SHROOM4: variants seen among roughly 807,000 people sequenced by gnomAD.
SHROOM4 encodes the protein shroom family member 4, also known as protein Shroom4.
Under a neutral mutation model 80.3 loss-of-function variants are expected in SHROOM4, and 17 were observed. That is an observed-to-expected ratio of 0.21 (90% CI 0.14 to 0.32). The LOEUF is 0.32. Among genes scored for constraint, SHROOM4 ranks in the 10% least tolerant of loss-of-function variants. The pLI, the probability that SHROOM4 is intolerant of heterozygous loss-of-function variation, is 1.00. For synonymous variants in SHROOM4, 400 were observed against 437.5 expected, an observed-to-expected ratio of 0.91 and a Z score of 1.07; for missense variants, 993 against 1,140.3, an observed-to-expected ratio of 0.87 and a Z score of 1.86.
chrX:50,702,596 G>A (rs148130702), intron 1 of SHROOM4, among the ~76,000 whole-genome samples: 1,510 of 111,840 alleles, frequency 0.014, 14 homozygotes, highest in Middle Eastern at 0.023. Flanking sequence ...GTAAAGAAGA[G>A]AGGTGATAAT....
chrX:50,760,262 T>C (rs1215540586), intron 1 of SHROOM4, among the ~76,000 whole-genome samples: 1 of 110,761 alleles, frequency 9.0e-6, no homozygotes, highest in Non-Finnish European at 1.9e-5. Flanking sequence ...ATATTTAATA[T>C]GTTTGTTATA....
chrX:50,731,041 G>A (rs1934358814), intron 1 of SHROOM4, among the ~76,000 whole-genome samples: 1 of 110,227 alleles, frequency 9.1e-6, no homozygotes, highest in African/African-American at 3.3e-5. Flanking sequence ...AAAGATATAA[G>A]GTTATATAAA....
At chrX:50,775,784 T>A (rs1173058098) in intron 1 of SHROOM4, among the ~76,000 whole-genome samples, 1 of 112,025 alleles carries the variant, frequency 8.9e-6, no homozygotes, top group Admixed American at 9.5e-5. Flanking sequence ...CACCCAGGTG[T>A]GACATATGAG....
intron 2 of SHROOM4, among the ~76,000 whole-genome samples, chrX:50,689,621 A>G (rs1933170829): frequency 1.8e-5 from 2 of 111,615 alleles, no homozygotes; most frequent in Non-Finnish European, 3.8e-5. Flanking sequence ...ATTTCTCCAT[A>G]TAGCTTCTAA....
At chrX:50,641,962 G>A (rs1931619255) in intron 2 of SHROOM4, among the ~76,000 whole-genome samples, 1 of 112,373 alleles carries the variant, frequency 8.9e-6, no homozygotes, top group African/African-American at 3.2e-5. Flanking sequence ...CAATCCCAAA[G>A]TAGACAGAAG....
intron 1 of SHROOM4, among the ~76,000 whole-genome samples, chrX:50,751,859 C>T (rs1251345630): frequency 1.8e-5 from 2 of 111,812 alleles, no homozygotes; most frequent in East Asian, 2.8e-4. Flanking sequence ...ACCCCACTCC[C>T]GAGCTAGCTA....
intron 1 of SHROOM4, among the ~76,000 whole-genome samples, chrX:50,798,691 C>A: frequency 9.0e-6 from 1 of 111,418 alleles, no homozygotes; most frequent in African/African-American, 3.3e-5. Context: ...AATACTACTA[C>A]TTAATTTACA....
intron 1 of SHROOM4, among the ~76,000 whole-genome samples, chrX:50,707,080 C>T (rs998591328): frequency 8.9e-6 from 1 of 111,786 alleles, no homozygotes; most frequent in Non-Finnish European, 1.9e-5. Flanking sequence ...GTTCACCATC[C>T]CTGAAAAATT....
At chrX:50,772,997 A>C (rs1935429514) in intron 1 of SHROOM4, among the ~76,000 whole-genome samples, 1 of 112,055 alleles carries the variant, frequency 8.9e-6, no homozygotes, top group Admixed American at 9.4e-5. Context: ...AAGACAGAAA[A>C]CAGGTTGCCA....
chrX:50,731,824 G>A (rs1018600340), intron 1 of SHROOM4, among the ~76,000 whole-genome samples: 1 of 111,870 alleles, frequency 8.9e-6, no homozygotes, highest in Non-Finnish European at 1.9e-5. Flanking sequence ...TCATTTGCAA[G>A]AGAGCATGGA....
chrX:50,674,925 G>A (rs1158387428), intron 2 of SHROOM4, among the ~76,000 whole-genome samples: 1 of 111,890 alleles, frequency 8.9e-6, no homozygotes, highest in Non-Finnish European at 1.9e-5. Context: ...AGAGGACGGA[G>A]CTCTCCTGTA....
chrX:50,785,648 C>T (rs913946124), intron 1 of SHROOM4, among the ~76,000 whole-genome samples: 14 of 111,423 alleles, frequency 1.3e-4, no homozygotes, highest in African/African-American at 4.6e-4. Context: ...GAAAGCACAT[C>T]AATGGTTGCC....
chrX:50,736,851 A>T (rs1934506095), intron 1 of SHROOM4, among the ~76,000 whole-genome samples: 1 of 112,242 alleles, frequency 8.9e-6, no homozygotes, highest in Non-Finnish European at 1.9e-5. Context: ...ATTAGTTTAC[A>T]TTCCCGCCAA....
At chrX:50,660,063 C>G (rs1932443536) in intron 2 of SHROOM4, among the ~76,000 whole-genome samples, 1 of 111,958 alleles carries the variant, frequency 8.9e-6, no homozygotes, top group Non-Finnish European at 1.9e-5. Context: ...TTTTACATGT[C>G]TTCACACACA....
intron 1 of SHROOM4, among the ~76,000 whole-genome samples, chrX:50,735,335 A>T (rs1388990828): frequency 8.9e-6 from 1 of 112,208 alleles, no homozygotes; most frequent in East Asian, 2.8e-4. Flanking sequence ...TTCACTCAAA[A>T]TTATCAAAGA....
chrX:50,775,547 C>T (rs1292463028), intron 1 of SHROOM4, among the ~76,000 whole-genome samples: 2 of 111,520 alleles, frequency 1.8e-5, no homozygotes, highest in African/African-American at 3.3e-5. Flanking sequence ...TATGGAAAGC[C>T]CTTAACGCCC....
intron 3 of SHROOM4, among the ~76,000 whole-genome samples, chrX:50,636,153 GA>G (rs1316873988): frequency 9.1e-6 from 1 of 110,303 alleles, no homozygotes; most frequent in Non-Finnish European, 1.9e-5. Flanking sequence ...AGGGCTTGTT[GA>G]AACACGGGTC....
intron 1 of SHROOM4, among the ~76,000 whole-genome samples, chrX:50,764,661 T>G (rs1245921854): frequency 5.4e-5 from 6 of 111,666 alleles, no homozygotes; most frequent in Non-Finnish European, 7.5e-5. Context: ...AAATAGTTGT[T>G]TTCAATAATT....
intron 2 of SHROOM4, among the ~76,000 whole-genome samples, chrX:50,662,344 T>TA (rs1932538808): frequency 9.1e-6 from 1 of 110,052 alleles, no homozygotes; most frequent in Non-Finnish European, 1.9e-5. Context: ...GCTAAAAATA[T>TA]AAAAAAATTA....
Sources: allele counts gnomAD v4.1 joint callset (sites outside exome capture counted in the v4.1 genomes callset), GRCh38; gene constraint gnomAD v4.1.1; transcripts MANE v1.5; gene names NCBI Gene and HGNC (gene_info 2026-07-23, HGNC 2026-07-21).